The following TMEM178A variants were observed in gnomAD, a reference collection of about 807,000 sequenced individuals.
TMEM178A encodes transmembrane protein 178A.
In TMEM178A, 12 loss-of-function variants were observed where a neutral mutation model predicts 29.1. The observed-to-expected ratio is 0.41, with a 90% confidence interval of 0.26 to 0.67. The LOEUF is 0.67. Ranked by LOEUF, TMEM178A falls within the 30% of genes least tolerant of loss-of-function variation. The pLI is 0.29. For synonymous variants in TMEM178A, 210 were observed against 187.2 expected (o/e 1.12, Z -0.99); for missense variants, 366 against 419.1 (o/e 0.87, Z 1.11).
chr2:39,668,068 G>A (rs1553342877), intron 1 of TMEM178A, among the ~76,000 whole-genome samples: 1 of 152,204 alleles, frequency 6.6e-6, no homozygotes, highest in Non-Finnish European at 1.5e-5. Flanking sequence ...AAACAGCAGG[G>A]CAGAGTCAAA....
chr2:39,714,436 C>G (rs936764092), intron 3 of TMEM178A, among the ~76,000 whole-genome samples: 1 of 152,158 alleles, frequency 6.6e-6, no homozygotes, highest in Non-Finnish European at 1.5e-5. Context: ...AATCAGGTTT[C>G]TGAGGCAAGA....
chr2:39,708,970 A>T (rs1312298852), intron 3 of TMEM178A, among the ~76,000 whole-genome samples: 1 of 152,214 alleles, frequency 6.6e-6, no homozygotes, highest in Non-Finnish European at 1.5e-5. Flanking sequence ...CAGCAACAGA[A>T]CTAATATTCC....
chr2:39,733,097 T>G, the TMEM178A span, among the ~76,000 whole-genome samples: 1 of 152,204 alleles, frequency 6.6e-6, no homozygotes, highest in East Asian at 1.9e-4. Context: ...ATTCCAGCTA[T>G]AGACTCAGAC....
the TMEM178A span, among the ~76,000 whole-genome samples, chr2:39,730,695 CT>C: frequency 6.6e-6 from 1 of 152,174 alleles, no homozygotes; most frequent in African/African-American, 2.4e-5. Context: ...TATGTCTTGA[CT>C]TTTTATGCAA....
At chr2:39,735,438 C>T in the TMEM178A span, among the ~76,000 whole-genome samples, 13,876 of 152,194 alleles carry the variant, frequency 0.091, 1,263 homozygotes, top group African/African-American at 0.23. Flanking sequence ...TCATAGGGCT[C>T]GTATTCCTCA....
At chr2:39,695,015 G>T (rs1671478194) in intron 1 of TMEM178A, among the ~76,000 whole-genome samples, 1 of 152,226 alleles carries the variant, frequency 6.6e-6, no homozygotes, top group East Asian at 1.9e-4. Flanking sequence ...TTTTAACAAG[G>T]TTAACTGTTT....
rs753268176 is a variant in TMEM178A at position 39,674,818 on chromosome 2, TTC to T, written c.400+8456_400+8457del. ...AGAAGCATCAAAGTCTTGTATTCCT[TTC>T]TCTCTCTCTCTTTTTTTTTCTCAAG... On this transcript the variant is annotated intron_variant, in intron 1 of 3. Coordinates refer to ENST00000281961, the MANE Select transcript of TMEM178A (RefSeq NM_152390.3). 2.6e-5 allele frequency among the ~76,000 whole-genome samples: 4 copies of T among 152,256 alleles called. No homozygotes were observed. In the South Asian group the frequency reaches 8.3e-4, roughly 32 times the overall value.
At chr2:39,711,412 TA>T (rs1248430136) in intron 3 of TMEM178A, among the ~76,000 whole-genome samples, 4 of 152,242 alleles carry the variant, frequency 2.6e-5, no homozygotes, top group African/African-American at 9.6e-5. Context: ...CCAGGAGTCT[TA>T]AAAATTGGAT....
intron 3 of TMEM178A, among the ~76,000 whole-genome samples, chr2:39,714,785 G>C (rs1672463568): frequency 6.6e-6 from 1 of 152,180 alleles, no homozygotes; most frequent in South Asian, 2.1e-4. Context: ...GTTGGCAGGG[G>C]AGAGGAGCTA....
upstream of TMEM178A, chr2:39,665,857 G>C (rs1670119580): frequency 1.1e-6 from 1 of 942,900 alleles, no homozygotes; most frequent in Admixed American, 4.4e-5. Context: ...GGCCGTAGGA[G>C]GGAGGTGGGG....
chr2:39,721,619 G>A (rs1672708403), downstream of TMEM178A, among the ~76,000 whole-genome samples: 1 of 152,102 alleles, frequency 6.6e-6, no homozygotes, highest in African/African-American at 2.4e-5. Context: ...GCTGGTCACA[G>A]TAAAGAGTTT....
intron 3 of TMEM178A, among the ~76,000 whole-genome samples, chr2:39,708,926 T>C (rs1672181275): frequency 6.6e-6 from 1 of 152,218 alleles, no homozygotes; most frequent in South Asian, 2.1e-4. Context: ...GAATGCCACA[T>C]TAACTGGGCA....
At chr2:39,720,581 C>T (rs2716734), downstream of TMEM178A, among the ~76,000 whole-genome samples, 17,290 of 152,182 alleles carry the variant, frequency 0.11, 2,234 homozygotes, top group African/African-American at 0.32. Context: ...TGACCAGTTA[C>T]GCTCCGCACA....
In TMEM178A at chr2:39,689,970, G is replaced by T. The variant is rs79971336; in HGVS notation, c.401-14111G>T. ...CTCAATGCCAAGAGAGACCACCTTG[G>T]CCTGTGATTTTTCCAGTGGGGTAGA... On this transcript the variant is annotated intron_variant, in intron 1 of 3. Transcript: ENST00000281961. Among the ~76,000 whole-genome samples the T allele has an allele frequency of 8.1e-3, 1,232 of 152,234 alleles. 17 individuals are homozygous for T. The highest frequency in any genetic ancestry group is 0.028 in the African/African-American group (1,164 of 41,530).
In TMEM178A at chr2:39,674,009, G is replaced by A. The variant is rs116993505; in HGVS notation, c.400+7635G>A. Among the ~76,000 whole-genome samples the A allele has an allele frequency of 2.7e-4, 41 of 152,294 alleles. No individual in the cohort carries two copies. The East Asian group carries it at 7.0e-3, about 26-fold the overall frequency. On this transcript the variant is annotated intron_variant, in intron 1 of 3. Coordinates refer to ENST00000281961, the MANE Select transcript of TMEM178A (RefSeq NM_152390.3). ...GGGGGCAGGCTGCTGGTTAACTTGA[G>A]TTTTAACACCTTTTTTTAAGTTCTC...
At chr2:39,730,001 G>A in the TMEM178A span, among the ~76,000 whole-genome samples, 3 of 151,960 alleles carry the variant, frequency 2.0e-5, no homozygotes, top group Non-Finnish European at 4.4e-5. Flanking sequence ...AAAAACCTTC[G>A]TCTCATCTCG....
chr2:39,700,639 A>G (rs1288792923), intron 1 of TMEM178A, among the ~76,000 whole-genome samples: 1 of 151,886 alleles, frequency 6.6e-6, no homozygotes, highest in Admixed American at 6.5e-5. Flanking sequence ...CTGCCTTTTT[A>G]TTGGAGTATA....
the TMEM178A span, among the ~76,000 whole-genome samples, chr2:39,723,749 C>T: frequency 6.6e-6 from 1 of 152,208 alleles, no homozygotes; most frequent in Admixed American, 6.5e-5. Flanking sequence ...CCCTAAGATA[C>T]TAGCCAAGAT....
chr2:39,675,231 T>C (rs1205018075), intron 1 of TMEM178A, among the ~76,000 whole-genome samples: 6 of 152,132 alleles, frequency 3.9e-5, no homozygotes, highest in African/African-American at 1.4e-4. Context: ...TTTTGAAGTG[T>C]TGGGGGTATA....
Sources: allele counts gnomAD v4.1 joint callset (sites outside exome capture counted in the v4.1 genomes callset), GRCh38; gene constraint gnomAD v4.1.1; transcripts MANE v1.5; gene names NCBI Gene and HGNC (gene_info 2026-07-23, HGNC 2026-07-21).